ZSWIM9: variants seen among roughly 807,000 people sequenced by gnomAD.
The protein encoded by ZSWIM9 is zinc finger SWIM-type containing 9.
ZSWIM9 carries 11 observed loss-of-function variants against 25.0 expected under a neutral mutation model. That is an observed-to-expected ratio of 0.44 (90% confidence interval 0.28 to 0.73). The LOEUF (loss-of-function observed/expected upper bound fraction) is 0.73. Ranked by LOEUF, ZSWIM9 falls within the 30% of genes least tolerant of loss-of-function variation. ZSWIM9 has a pLI of 0.16. For synonymous variants in ZSWIM9, 562 were observed against 582.1 expected (o/e 0.97, Z 0.50); for missense variants, 1,070 against 1,296.5 (o/e 0.83, Z 2.68).
In ZSWIM9 at chr19:48,194,697, G is replaced by A; in HGVS notation, c.633G>A (p.Val211=). The A allele has an allele frequency of 1.3e-6, 2 of 1,526,056 alleles. No individual in the cohort carries two copies. Among genetic ancestry groups the A allele is most frequent in the East Asian group, 2.5e-5 (1 of 40,536 alleles). The allele number at this position is 1,526,056 out of a possible 1,614,324, so 94.5% of individuals were successfully genotyped here. A position where few individuals can be genotyped will look rare whatever the true frequency, so the allele number is the denominator to read the frequency against. ...AGGACCAGGCTGTGGTGGAGACGGTGTTCTTCCTGACGTCGCGCACCAGGG... is the reference window on the plus strand; with the variant it reads ...AGGACCAGGCTGTGGTGGAGACGGTATTCTTCCTGACGTCGCGCACCAGGG... ...FVEDQAVVET[V]FFLTSRTRAL... The change falls in exon 4 of 4, where the codon GTG becomes GTA. Residue 211 remains valine (V), a synonymous_variant. Coordinates refer to ENST00000614654, the MANE Select transcript of ZSWIM9 (RefSeq NM_199341.4). The surrounding 1 kb of genome is among the most constrained non-coding windows in gnomAD (Gnocchi z 6.0).
At chr19:48,187,680 G>C (rs978929951) in intron 3 of ZSWIM9, 1 of 134,988 alleles carries the variant, frequency 7.4e-6, no homozygotes, top group African/African-American at 2.8e-5. Flanking sequence ...GCTCACACCT[G>C]TAATCTCAGC....
In ZSWIM9 at chr19:48,194,150, A is replaced by C. The variant is rs1435316862; in HGVS notation, c.589-503A>C. ...ATTACCACCAGACCAGTCATCCTTA[A>C]GCATGCATAGGAGTCCCCTGGAGGG... On this transcript the variant is annotated intron_variant, in intron 3 of 3. Transcript: ENST00000614654. The surrounding 1 kb of genome is among the most constrained non-coding windows in gnomAD (Gnocchi z 6.0). Among the ~76,000 whole-genome samples the C allele has an allele frequency of 6.6e-6, 1 of 152,166 alleles. No individual in the cohort carries two copies. Among genetic ancestry groups the C allele is most frequent in the Admixed American group, 6.5e-5 (1 of 15,278 alleles).
chr19:48,195,254 C>A lies in ZSWIM9; in HGVS notation c.1190C>A (p.Ala397Asp). The change falls in exon 4 of 4, where the codon GCC becomes GAC. Residue 397 changes from alanine to aspartate, a missense_variant. Ala to Asp is a moderately radical substitution (Grantham distance 126). Transcript: ENST00000614654. This position sits in a 1 kb window ranked among gnomAD's most constrained non-coding sequence, Gnocchi z 5.8. The part of the protein sequence containing the change: ...MWVRFRAFEA[A>D]RDLDACALVR... Reference sequence around the variant, plus strand: ...GTCCGCTTCCGCGCCTTCGAGGCGGCCAGAGACCTGGACGCGTGTGCCCTG... The same window carrying A: ...GTCCGCTTCCGCGCCTTCGAGGCGGACAGAGACCTGGACGCGTGTGCCCTG... 5.2e-6 allele frequency: 8 copies of A among 1,529,708 alleles called. No individual in the cohort carries two copies. Among genetic ancestry groups the A allele is most frequent in the Non-Finnish European group, 7.0e-6 (8 of 1,143,586 alleles). 94.8% of individuals were successfully genotyped at this position (1,529,708 alleles called of 1,614,324 possible).
chr19:48,190,799 T>C (rs866882276), intron 3 of ZSWIM9, among the ~76,000 whole-genome samples: 24 of 152,314 alleles, frequency 1.6e-4, no homozygotes, highest in African/African-American at 5.5e-4. Flanking sequence ...GCTTTTCTAG[T>C]TTTTCATGGC....
intron 1 of ZSWIM9, 104 bp downstream of exon 1, chr19:48,170,818 G>A (rs374066262): frequency 6.5e-6 from 1 of 154,602 alleles, no homozygotes; most frequent in Admixed American, 7.0e-5. Context: ...GGGAGGGGGG[G>A]AGTAGGAGGG....
Position 48,196,006 on chromosome 19 carries a change from C to A in ZSWIM9, c.1942C>A (p.Pro648Thr). Residue 648 changes from proline (P) to threonine (T), a missense_variant, in exon 4 of 4, where the codon CCA becomes ACA. This residue lies in a region of ZSWIM9 where 583 missense variants were observed against 624.7 expected (regional missense o/e 0.93). Coordinates refer to ENST00000614654, the MANE Select transcript of ZSWIM9 (RefSeq NM_199341.4). ...GGLRTAEWKG[P>T]QSEVEKGRGL... ...ACTGAGAACTGCAGAATGGAAGGGG[C>A]CACAGTCAGAAGTAGAGAAGGGGAG... 1.6e-6 allele frequency: 2 copies of A among 1,266,416 alleles called. No homozygotes were observed. The highest frequency in any genetic ancestry group is 3.1e-5 in the South Asian group (1 of 31,960). The allele number at this position is 1,266,416 out of a possible 1,614,324, so 78.4% of individuals were successfully genotyped here.
intron 2 of ZSWIM9, among the ~76,000 whole-genome samples, chr19:48,176,260 C>T (rs2036892442): frequency 2.0e-5 from 3 of 151,970 alleles, no homozygotes; most frequent in Admixed American, 2.0e-4. Flanking sequence ...GCAACGGGTC[C>T]TTGAAAAAAA....
chr19:48,194,519 A>C lies in ZSWIM9; in HGVS notation c.589-134A>C. On this transcript the variant is annotated intron_variant, in intron 3 of 3. Coordinates refer to ENST00000614654, the MANE Select transcript of ZSWIM9 (RefSeq NM_199341.4). This position sits in a 1 kb window ranked among gnomAD's most constrained non-coding sequence, Gnocchi z 6.0. The stretch of plus-strand genomic sequence containing the variant: ...TGCACTGCCTCCTGCCGGTCAAAAG[A>C]ATAAATGCATATGCAGGCAAGAATG... The C allele has an allele frequency of 1.1e-6, 1 of 943,908 alleles. No individual in the cohort carries two copies. The highest frequency in any genetic ancestry group is 1.4e-6 in the Non-Finnish European group (1 of 693,872). The allele number at this position is 943,908 out of a possible 1,614,324, so 58.5% of individuals were successfully genotyped here. A position where few individuals can be genotyped will look rare whatever the true frequency, so the allele number is the denominator to read the frequency against.
In ZSWIM9 at chr19:48,187,751, A is replaced by G. The variant is rs1025851723; in HGVS notation, c.588+4984A>G. 6.2e-5 allele frequency: 9 copies of G among 145,484 alleles called. No homozygotes were observed. In the Admixed American group the frequency reaches 6.8e-4, roughly 11 times the overall value. The allele number at this position is 145,484 out of a possible 1,614,324, so 9.0% of individuals were successfully genotyped here. A position where few individuals can be genotyped will look rare whatever the true frequency, so the allele number is the denominator to read the frequency against. On this transcript the variant is annotated intron_variant, in intron 3 of 3. Transcript: ENST00000614654. ...CCAGGAGTTCAAGACCAGCCTGGCC[A>G]ACATAACGAGCACCTGTCTCTACAA...
At chr19:48,171,236 G>A (rs2036799905) in intron 1 of ZSWIM9, 1 of 985,380 alleles carries the variant, frequency 1.0e-6, no homozygotes, top group South Asian at 4.7e-5. Context: ...TGGGGAGTGC[G>A]GAGCCACAGG....
At chr19:48,188,301 C>T (rs907544291) in intron 3 of ZSWIM9, among the ~76,000 whole-genome samples, 3 of 151,802 alleles carry the variant, frequency 2.0e-5, no homozygotes, top group Admixed American at 6.6e-5. Flanking sequence ...TGGCTCAGCA[C>T]GACCTCCATC....
chr19:48,183,575 G>C (rs1300344677), intron 3 of ZSWIM9, among the ~76,000 whole-genome samples: 1 of 151,770 alleles, frequency 6.6e-6, no homozygotes. Context: ...ATCACTAGGG[G>C]CTGGCTGGGT....
intron 3 of ZSWIM9, among the ~76,000 whole-genome samples, chr19:48,188,965 A>G (rs1246850117): frequency 6.6e-6 from 1 of 151,984 alleles, no homozygotes; most frequent in African/African-American, 2.4e-5. Flanking sequence ...CGGAAGGCGG[A>G]GCTTGCAGTG....
chr19:48,197,438 G>C lies in ZSWIM9; in HGVS notation c.*611G>C. On this transcript the variant is annotated 3_prime_UTR_variant, in exon 4 of 4. Coordinates refer to ENST00000614654, the MANE Select transcript of ZSWIM9 (RefSeq NM_199341.4). Reference sequence around the variant, plus strand: ...AGACAAAAGAAATGTGTGGGAGACGGGTAGAGACGAAATGCAAGGGGCGTG... The same window carrying C: ...AGACAAAAGAAATGTGTGGGAGACGCGTAGAGACGAAATGCAAGGGGCGTG... 1 of 612,332 alleles carries C rather than the reference G, an allele frequency of 1.6e-6. No homozygotes were observed. Among genetic ancestry groups the C allele is most frequent in the East Asian group, 2.8e-5 (1 of 36,300 alleles). 37.9% of individuals were successfully genotyped at this position (612,332 alleles called of 1,614,324 possible).
intron 3 of ZSWIM9, among the ~76,000 whole-genome samples, chr19:48,189,238 C>G (rs140458862): frequency 6.6e-6 from 1 of 152,108 alleles, no homozygotes; most frequent in Non-Finnish European, 1.5e-5. Flanking sequence ...TAGAAACAAC[C>G]CAGACTCCAC....
chr19:48,178,574 A>C (rs971027043), intron 2 of ZSWIM9, among the ~76,000 whole-genome samples: 1 of 103,614 alleles, frequency 9.7e-6, no homozygotes, highest in African/African-American at 5.2e-5. Context: ...CCTGCAGCCT[A>C]CTTTTTTTTT....
intron 3 of ZSWIM9, chr19:48,193,036 G>T (rs547507839): frequency 1.3e-5 from 2 of 155,482 alleles, no homozygotes; most frequent in East Asian, 3.9e-4. Context: ...GGTGTCCAGG[G>T]TTGTTATTGG....
intron 2 of ZSWIM9, among the ~76,000 whole-genome samples, chr19:48,173,561 G>C (rs576953913): frequency 1.3e-5 from 2 of 151,848 alleles, no homozygotes; most frequent in African/African-American, 4.8e-5. Context: ...TGCCCACCTC[G>C]GCCTCCCAGA....
In ZSWIM9 at chr19:48,182,308, G is replaced by C. The variant is rs2036955428; in HGVS notation, c.276-147G>C. ...TAGAGACTTGAAGTGACTTGCCCCA[G>C]GTCACACAGCTGGCATATTCTTAGG... is the stretch of plus-strand genomic sequence containing the variant. On this transcript the variant is annotated intron_variant, in intron 2 of 3. Transcript: ENST00000614654. This position sits in a 1 kb window ranked among gnomAD's most constrained non-coding sequence, Gnocchi z 4.6. The C allele has an allele frequency of 1.5e-6, 1 of 686,042 alleles. No homozygotes were observed. Among genetic ancestry groups the C allele is most frequent in the African/African-American group, 1.8e-5 (1 of 54,874 alleles). 42.5% of individuals were successfully genotyped at this position (686,042 alleles called of 1,614,324 possible). A position where few individuals can be genotyped will look rare whatever the true frequency, so the allele number is the denominator to read the frequency against.
Sources: allele counts gnomAD v4.1 joint callset (sites outside exome capture counted in the v4.1 genomes callset), GRCh38; gene constraint gnomAD v4.1.1; regional missense constraint gnomAD v4.1.1; non-coding constraint Gnocchi (gnomAD v3.1); transcripts MANE v1.5; gene names NCBI Gene and HGNC (gene_info 2026-07-23, HGNC 2026-07-21).